ARHGEF38: variants seen among roughly 807,000 people sequenced by gnomAD.
The protein encoded by ARHGEF38 is Rho guanine nucleotide exchange factor (GEF) 38.
Under a neutral mutation model 79.9 loss-of-function variants are expected in ARHGEF38, and 79 were observed. That is an observed-to-expected ratio of 0.99 (90% CI 0.82 to 1.19). ARHGEF38 has a LOEUF of 1.19. ARHGEF38 is among the 50% of genes most tolerant of loss of function. The pLI is 0.00. For synonymous variants in ARHGEF38, 366 were observed against 328.3 expected, an observed-to-expected ratio of 1.11 and a Z score of -1.24; for missense variants, 962 against 907.2, an observed-to-expected ratio of 1.06 and a Z score of -0.78.
intron 2 of ARHGEF38, among the ~76,000 whole-genome samples, chr4:105,595,678 G>A (rs1032393777): frequency 4.6e-5 from 7 of 151,976 alleles, no homozygotes; most frequent in African/African-American, 1.2e-4. Flanking sequence ...AGTGTCTGAC[G>A]TAAAATGCAA....
At chr4:105,637,592 A>G (rs1729450137) in intron 5 of ARHGEF38, among the ~76,000 whole-genome samples, 2 of 152,136 alleles carry the variant, frequency 1.3e-5, no homozygotes, top group East Asian at 1.9e-4. Context: ...CTCATTATAC[A>G]GCCTGTGTCC....
intron 1 of ARHGEF38, 37 bp from the exon 2 acceptor site, chr4:105,589,211 G>A (rs748464452): frequency 6.5e-7 from 1 of 1,547,534 alleles, no homozygotes; most frequent in Admixed American, 2.0e-5. Flanking sequence ...AGAAACCTCA[G>A]CAGAATGCCT....
At chr4:105,579,265 A>G (rs1236443682) in intron 1 of ARHGEF38, among the ~76,000 whole-genome samples, 1 of 152,164 alleles carries the variant, frequency 6.6e-6, no homozygotes, top group Non-Finnish European at 1.5e-5. Flanking sequence ...TTCCAATACT[A>G]TGATGAGTTA....
chr4:105,676,782 T>C lies in ARHGEF38; in HGVS notation c.2149-970T>C, dbSNP rs190303874. On this transcript the variant is annotated intron_variant, in intron 13 of 13. Coordinates refer to ENST00000420470, the MANE Select transcript of ARHGEF38 (RefSeq NM_001242729.2). Reference sequence around the variant, plus strand: ...ATTGTCATTATAAAGGTTTGGGAAATAAAGAAGGGAACAAGGAAGTAAAAA... The same window carrying C: ...ATTGTCATTATAAAGGTTTGGGAAACAAAGAAGGGAACAAGGAAGTAAAAA... Among the ~76,000 whole-genome samples, 363 of 152,124 alleles carry C rather than the reference T, an allele frequency of 2.4e-3. 1 individual carries two copies. The highest frequency in any genetic ancestry group is 3.7e-3 in the Non-Finnish European group (250 of 67,974).
Position 105,645,113 on chromosome 4 carries a change from TA to T in ARHGEF38, c.675-70del, listed in dbSNP as rs1339107593. 3.0e-5 allele frequency: 33 copies of T among 1,108,752 alleles called. No individual in the cohort carries two copies. In the African/African-American group the frequency reaches 4.3e-4, roughly 14 times the overall value. The allele number at this position is 1,108,752 out of a possible 1,614,324, so 68.7% of individuals were successfully genotyped here. A position where few individuals can be genotyped will look rare whatever the true frequency, so the allele number is the denominator to read the frequency against. The stretch of plus-strand genomic sequence containing the variant: ...AGAGAAAATGTTTTAGAAGTAATCA[TA>T]AAAACACACAAAAATGAAAATGTGT... On this transcript the variant is annotated intron_variant, in intron 5 of 13. Coordinates refer to ENST00000420470, the MANE Select transcript of ARHGEF38 (RefSeq NM_001242729.2).
chr4:105,571,836 C>A (rs748264401), intron 1 of ARHGEF38, among the ~76,000 whole-genome samples: 135 of 152,248 alleles, frequency 8.9e-4, no homozygotes, highest in Non-Finnish European at 2.6e-4. Context: ...ACCAAGAGAA[C>A]ATTTTTATTG....
chr4:105,571,565 C>T (rs1317229243), intron 1 of ARHGEF38, among the ~76,000 whole-genome samples: 4 of 152,150 alleles, frequency 2.6e-5, no homozygotes, highest in East Asian at 3.9e-4. Context: ...TCAGGTGATC[C>T]GCCCGCCTCA....
chr4:105,623,034 C>T (rs1051671284), intron 3 of ARHGEF38, among the ~76,000 whole-genome samples: 1 of 152,154 alleles, frequency 6.6e-6, no homozygotes, highest in East Asian at 1.9e-4. Flanking sequence ...ATGGATTCCA[C>T]ATGCATTTGT....
chr4:105,650,521 G>C (rs1340966396), intron 7 of ARHGEF38, among the ~76,000 whole-genome samples: 1 of 152,152 alleles, frequency 6.6e-6, no homozygotes, highest in Non-Finnish European at 1.5e-5. Context: ...CTCTGCCCCT[G>C]CCTCACCTTT....
At chr4:105,598,836 T>C (rs1727699873) in intron 2 of ARHGEF38, among the ~76,000 whole-genome samples, 1 of 151,980 alleles carries the variant, frequency 6.6e-6, no homozygotes, top group African/African-American at 2.4e-5. Context: ...TTTATGTAAG[T>C]GTGTTAATAA....
At position 105,659,247 on chromosome 4, in the gene ARHGEF38, A is replaced by AAT. The variant is rs1406982228; in HGVS notation, c.1427_1428insAT (p.Leu477CysfsTer14). On this transcript the variant is annotated frameshift_variant, in exon 10 of 14. Transcript: ENST00000420470. LOFTEE classifies it high-confidence loss of function. The stretch of plus-strand genomic sequence containing the variant: ...GCCCTCAACGCCCAGCTTGTGGAGG[A>AAT]GCTCCAGGCATTCAACCAGGCTGCT... The AAT allele has an allele frequency of 2.0e-6, 3 of 1,536,084 alleles. No homozygotes were observed. The South Asian group carries it at 3.6e-5, about 18-fold the overall frequency.
intron 2 of ARHGEF38, among the ~76,000 whole-genome samples, chr4:105,595,130 A>G (rs1250082355): frequency 6.6e-6 from 1 of 152,148 alleles, no homozygotes; most frequent in Non-Finnish European, 1.5e-5. Flanking sequence ...CAAATCTACC[A>G]AAGATCTCAA....
At chr4:105,643,876 T>TTC (rs1320514409) in intron 5 of ARHGEF38, among the ~76,000 whole-genome samples, 7 of 143,412 alleles carry the variant, frequency 4.9e-5, no homozygotes, top group Non-Finnish European at 1.1e-4. Flanking sequence ...TTCCTACTTT[T>TTC]TTTTTTTTTT....
chr4:105,568,272 A>G (rs1726039832), intron 1 of ARHGEF38, among the ~76,000 whole-genome samples: 1 of 151,856 alleles, frequency 6.6e-6, no homozygotes, highest in Non-Finnish European at 1.5e-5. Flanking sequence ...GAGAAATGCA[A>G]ATCAAAACCA....
intron 2 of ARHGEF38, among the ~76,000 whole-genome samples, chr4:105,591,206 A>G (rs1417040383): frequency 1.3e-5 from 2 of 152,072 alleles, no homozygotes; most frequent in South Asian, 2.1e-4. Context: ...ATATTTCTTA[A>G]CACAGTACTC....
At chr4:105,619,011 AT>A in intron 3 of ARHGEF38, among the ~76,000 whole-genome samples, 1 of 152,352 alleles carries the variant, frequency 6.6e-6, no homozygotes, top group East Asian at 1.9e-4. Flanking sequence ...ATTGAAAACT[AT>A]GATTTACAGA....
intron 2 of ARHGEF38, among the ~76,000 whole-genome samples, chr4:105,598,068 G>T (rs1364153027): frequency 6.6e-6 from 1 of 151,676 alleles, no homozygotes; most frequent in South Asian, 2.1e-4. Context: ...TAAGAATAAG[G>T]GTACACATTC....
intron 8 of ARHGEF38, among the ~76,000 whole-genome samples, 196 bp downstream of exon 8, chr4:105,654,365 G>C (rs1730237671): frequency 1.3e-5 from 2 of 152,098 alleles, no homozygotes; most frequent in African/African-American, 2.4e-5. Flanking sequence ...CCTCTTACCT[G>C]CTCCACTCTC....
chr4:105,625,616 G>A (rs1350495049), intron 3 of ARHGEF38, among the ~76,000 whole-genome samples: 1 of 152,202 alleles, frequency 6.6e-6, no homozygotes, highest in Non-Finnish European at 1.5e-5. Flanking sequence ...TGAAGACAGT[G>A]TAAAGGCTGA....
Sources: allele counts gnomAD v4.1 joint callset (sites outside exome capture counted in the v4.1 genomes callset), GRCh38; gene constraint gnomAD v4.1.1; transcripts MANE v1.5; gene names NCBI Gene and HGNC (gene_info 2026-07-23, HGNC 2026-07-21).